The following PARD6B variants were observed in gnomAD, a reference collection of about 807,000 sequenced individuals.
The protein encoded by PARD6B is par-6 family cell polarity regulator beta.
PARD6B carries 4 observed loss-of-function variants against 10.5 expected under a neutral mutation model. That is an observed-to-expected ratio of 0.38 (90% CI 0.19 to 0.87). PARD6B has a LOEUF of 0.87. Among genes scored for constraint, PARD6B ranks in the 40% least tolerant of loss-of-function variants. The probability of loss-of-function intolerance (pLI) is 0.41; values close to 1 mark genes in which losing one functional copy is unlikely to be tolerated. For missense variants in PARD6B, 396 were observed against 470.6 expected (o/e 0.84, Z 1.47); for synonymous variants, 169 against 170.4 (o/e 0.99, Z 0.07).
At chr20:50,749,580 C>A in intron 2 of PARD6B, 79 bp from the exon 3 acceptor site, 1 of 1,226,668 alleles carries the variant, frequency 8.2e-7, no homozygotes, top group South Asian at 1.6e-5. Flanking sequence ...TTGAGTTATC[C>A]TTTCTGTACA....
At chr20:50,743,693 C>G (rs556351264) in intron 2 of PARD6B, among the ~76,000 whole-genome samples, 1 of 152,028 alleles carries the variant, frequency 6.6e-6, no homozygotes, top group East Asian at 1.9e-4. Context: ...TCGAGACCAT[C>G]CTGGCTAGCA....
In PARD6B at chr20:50,751,109, A is replaced by G; in HGVS notation, c.*621A>G. On this transcript the variant is annotated 3_prime_UTR_variant, in exon 3 of 3. Coordinates refer to ENST00000371610, the MANE Select transcript of PARD6B (RefSeq NM_032521.3). ...CTCAGCCTCCTGAGTAGCTGGGACC[A>G]TAGGCACATACCACCACATCTGTCT... 5 of 489,526 alleles carry G rather than the reference A, an allele frequency of 1.0e-5. No individual in the cohort carries two copies. In the South Asian group the frequency reaches 4.5e-4, roughly 44 times the overall value. 30.3% of individuals were successfully genotyped at this position (489,526 alleles called of 1,614,324 possible).
Position 50,752,085 on chromosome 20 carries a change from TTC to T in PARD6B, c.*1599_*1600del, listed in dbSNP as rs1315881268. 3.0e-6 allele frequency: 3 copies of T among 984,878 alleles called. No homozygotes were observed. The highest frequency in any genetic ancestry group is 5.2e-4 in the Middle Eastern group (1 of 1,934). The allele number at this position is 984,878 out of a possible 1,614,324, so 61.0% of individuals were successfully genotyped here. On this transcript the variant is annotated 3_prime_UTR_variant, in exon 3 of 3. Coordinates refer to ENST00000371610, the MANE Select transcript of PARD6B (RefSeq NM_032521.3). ...TATAGCTTTCATATTTTCAAATTAA[TTC>T]TGTATGGCTATATAATTTATGTTTT...
intron 1 of PARD6B, 70 bp downstream of exon 1, chr20:50,731,922 C>A (rs949938124): frequency 7.8e-7 from 1 of 1,274,594 alleles, no homozygotes; most frequent in Non-Finnish European, 1.0e-6. Context: ...CCGGGCCAGG[C>A]TCGGAGCGCC....
chr20:50,747,369 G>A (rs1322589502), intron 2 of PARD6B, among the ~76,000 whole-genome samples: 1 of 152,104 alleles, frequency 6.6e-6, no homozygotes, highest in Non-Finnish European at 1.5e-5. Flanking sequence ...AAGATGGTGA[G>A]ATTGGTGTTT....
Position 50,738,024 on chromosome 20 carries a change from T to C in PARD6B, c.234T>C (p.Tyr78=). The C allele has an allele frequency of 1.2e-6, 2 of 1,612,768 alleles. No individual in the cohort carries two copies. Among genetic ancestry groups the C allele is most frequent in the Non-Finnish European group, 1.7e-6 (2 of 1,179,668 alleles). The part of the protein sequence containing the change: ...DLLPINNDDN[Y]HKAVSTANPL... ...TACCTATAAATAATGATGATAATTA[T>C]CACAAAGCTGTTTCAACGGCCAATC... Residue 78 remains tyrosine, a synonymous_variant, in exon 2 of 3, where the codon TAT becomes TAC. Coordinates refer to ENST00000371610, the MANE Select transcript of PARD6B (RefSeq NM_032521.3).
rs1208738571 is a variant in PARD6B, at chr20:50,751,984, G to A, written c.*1496G>A. 5.1e-6 allele frequency: 5 copies of A among 985,404 alleles called. 1 individual carries two copies. The South Asian group carries it at 2.3e-4, about 46-fold the overall frequency. 61.0% of individuals were successfully genotyped at this position (985,404 alleles called of 1,614,324 possible). ...CCAAAGTGCTGGATTGCAGGCATGAGCGCCTAGCCAGGAAGCTATCTTTTC... is the reference window on the plus strand; with the variant it reads ...CCAAAGTGCTGGATTGCAGGCATGAACGCCTAGCCAGGAAGCTATCTTTTC... On this transcript the variant is annotated 3_prime_UTR_variant, in exon 3 of 3. Transcript: ENST00000371610.
At chr20:50,749,333 A>C (rs2123708325) in intron 2 of PARD6B, among the ~76,000 whole-genome samples, 1 of 102,096 alleles carries the variant, frequency 9.8e-6, no homozygotes, top group East Asian at 3.0e-4. Flanking sequence ...ACAGAGCGAG[A>C]CTCCATCTCA....
At position 50,753,637 on chromosome 20, in the gene PARD6B, T is replaced by C; in HGVS notation, c.*3149T>C. 1 of 788,298 alleles carries C rather than the reference T, an allele frequency of 1.3e-6. No individual in the cohort carries two copies. The highest frequency in any genetic ancestry group is 1.5e-6 in the Non-Finnish European group (1 of 649,860). 48.8% of individuals were successfully genotyped at this position (788,298 alleles called of 1,614,324 possible). On this transcript the variant is annotated 3_prime_UTR_variant, in exon 3 of 3. Transcript: ENST00000371610. ...ATGTCAGTATTTTACTACAATTTTA[T>C]TATAAAGTGTACATTATCACTAAAT...
At chr20:50,746,670 G>A (rs1023776759) in intron 2 of PARD6B, among the ~76,000 whole-genome samples, 2 of 152,150 alleles carry the variant, frequency 1.3e-5, no homozygotes, top group East Asian at 1.9e-4. Context: ...TTTGTACTGG[G>A]GCATATTGCT....
chr20:50,752,009 C>T lies in PARD6B; in HGVS notation c.*1521C>T, dbSNP rs59057701. 7.0e-4 allele frequency: 691 copies of T among 985,360 alleles called. 1 individual carries two copies. The African/African-American group carries it at 9.6e-3, about 14-fold the overall frequency. The allele number at this position is 985,360 out of a possible 1,614,324, so 61.0% of individuals were successfully genotyped here. A position where few individuals can be genotyped will look rare whatever the true frequency, so the allele number is the denominator to read the frequency against. On this transcript the variant is annotated 3_prime_UTR_variant, in exon 3 of 3. Transcript: ENST00000371610. ...GCGCCTAGCCAGGAAGCTATCTTTT[C>T]TTGAGTTATGAAACTTTGCAACAGT... is the stretch of plus-strand genomic sequence containing the variant.
chr20:50,731,896 C>T lies in PARD6B; in HGVS notation c.66+44C>T. The T allele has an allele frequency of 2.9e-6, 4 of 1,369,026 alleles. No individual in the cohort carries two copies. In the South Asian group the frequency reaches 6.9e-5, roughly 24 times the overall value. The allele number at this position is 1,369,026 out of a possible 1,614,324, so 84.8% of individuals were successfully genotyped here. On this transcript the variant is annotated intron_variant, in intron 1 of 2. Coordinates refer to ENST00000371610, the MANE Select transcript of PARD6B (RefSeq NM_032521.3). ...GGGCGGAGCGGCGGGCCTGGGGGGCCGGGGCCTGGGAGAGGCCGGGCCAGG... is the reference window on the plus strand; with the variant it reads ...GGGCGGAGCGGCGGGCCTGGGGGGCTGGGGCCTGGGAGAGGCCGGGCCAGG...
In PARD6B at chr20:50,751,545, G is replaced by C; in HGVS notation, c.*1057G>C. Reference sequence around the variant, plus strand: ...TAATTTTTAGTAGAGACGGGGTTTCGCAGTGTTAGCCAGGAAGGTCTCAAT... The same window carrying C: ...TAATTTTTAGTAGAGACGGGGTTTCCCAGTGTTAGCCAGGAAGGTCTCAAT... On this transcript the variant is annotated 3_prime_UTR_variant, in exon 3 of 3. Transcript: ENST00000371610. 1.1e-6 allele frequency: 1 copy of C among 873,376 alleles called. No individual in the cohort carries two copies. Among genetic ancestry groups the C allele is most frequent in the Non-Finnish European group, 1.4e-6 (1 of 729,104 alleles). 54.1% of individuals were successfully genotyped at this position (873,376 alleles called of 1,614,324 possible). A position where few individuals can be genotyped will look rare whatever the true frequency, so the allele number is the denominator to read the frequency against.
intron 1 of PARD6B, among the ~76,000 whole-genome samples, chr20:50,737,341 A>G (rs573647231): frequency 1.3e-5 from 2 of 152,342 alleles, no homozygotes; most frequent in African/African-American, 4.8e-5. Context: ...GCATTAACAT[A>G]GGGAAGATCA....
At chr20:50,749,466 G>T (rs904255325) in intron 2 of PARD6B, among the ~76,000 whole-genome samples, 193 bp from the exon 3 acceptor site, 3 of 152,068 alleles carry the variant, frequency 2.0e-5, no homozygotes, top group Admixed American at 6.5e-5. Context: ...TATTTGAGAT[G>T]GCCACCTAGT....
chr20:50,753,017 A>G lies in PARD6B; in HGVS notation c.*2529A>G, dbSNP rs1050861474. 1.5e-5 allele frequency: 15 copies of G among 982,822 alleles called. No homozygotes were observed. The highest frequency in any genetic ancestry group is 1.7e-5 in the Non-Finnish European group (14 of 827,314). 60.9% of individuals were successfully genotyped at this position (982,822 alleles called of 1,614,324 possible). On this transcript the variant is annotated 3_prime_UTR_variant, in exon 3 of 3. Transcript: ENST00000371610. ...TAGAAGGTTAACTTTCATTTATAAT[A>G]TAAGTGGTGCAGGGGTTCAACATTT... is the stretch of plus-strand genomic sequence containing the variant.
rs2087482948 is a variant in PARD6B at position 50,733,427 on chromosome 20, A to G, written c.66+1575A>G. ...CAACAAGAGCAAAACTCCATCTCAA[A>G]AAACAAAACAAAACAAAAACAAAAA... On this transcript the variant is annotated intron_variant, in intron 1 of 2. Transcript: ENST00000371610. Among the ~76,000 whole-genome samples the G allele has an allele frequency of 6.2e-5, 9 of 146,140 alleles. No individual in the cohort carries two copies. In the South Asian group the frequency reaches 1.9e-3, roughly 30 times the overall value.
Position 50,750,564 on chromosome 20 carries a change from C to T in PARD6B, c.*76C>T. ...TTTGGCTAGTTTAAAAGCATATATA[C>T]CTCTGACCAGTGACGTGGAATAGGC... On this transcript the variant is annotated 3_prime_UTR_variant, in exon 3 of 3. Coordinates refer to ENST00000371610, the MANE Select transcript of PARD6B (RefSeq NM_032521.3). The T allele has an allele frequency of 6.6e-7, 1 of 1,504,148 alleles. No individual in the cohort carries two copies. Among genetic ancestry groups the T allele is most frequent in the South Asian group, 1.3e-5 (1 of 74,510 alleles). 93.2% of individuals were successfully genotyped at this position (1,504,148 alleles called of 1,614,324 possible).
At chr20:50,735,529 C>G (rs973906478) in intron 1 of PARD6B, among the ~76,000 whole-genome samples, 1 of 152,206 alleles carries the variant, frequency 6.6e-6, no homozygotes, top group Non-Finnish European at 1.5e-5. Context: ...GCAAACTAGG[C>G]TATGAAACAG....
Sources: gnomAD v4.1 joint callset for allele counts (sites outside exome capture counted in the v4.1 genomes callset) on GRCh38, gnomAD v4.1.1 for gene constraint, MANE v1.5 for transcripts, NCBI Gene and HGNC (gene_info 2026-07-23, HGNC 2026-07-21) for gene names.